Variants in NDST3 observed in about 807,000 individuals in gnomAD.
NDST3 encodes the protein bifunctional heparan sulfate N-deacetylase/N-sulfotransferase 3.
NDST3 carries 58 observed loss-of-function variants against 96.1 expected under a neutral mutation model. That is an observed-to-expected ratio of 0.60 (90% CI 0.49 to 0.75). The LOEUF is 0.75. NDST3 is among the 30% of genes least tolerant of loss of function. NDST3 has a pLI of 0.00. For missense variants in NDST3, 788 were observed against 1,034.2 expected (o/e 0.76, Z 3.27); for synonymous variants, 333 against 359.7 (o/e 0.93, Z 0.84).
chr4:118,088,136 TGTAA>T (rs1168209471), intron 2 of NDST3, among the ~76,000 whole-genome samples: 1 of 152,048 alleles, frequency 6.6e-6, no homozygotes, highest in African/African-American at 2.4e-5. Context: ...ATGACAGACA[TGTAA>T]GTAAGCCCCA....
At chr4:118,064,130 C>T (rs1213826125) in intron 2 of NDST3, among the ~76,000 whole-genome samples, 1 of 152,194 alleles carries the variant, frequency 6.6e-6, no homozygotes, top group African/African-American at 2.4e-5. Flanking sequence ...ACAGGCCCTT[C>T]TGGCGCTCAA....
At chr4:118,066,258 A>T (rs868291097) in intron 2 of NDST3, among the ~76,000 whole-genome samples, 4 of 8,182 alleles carry the variant, frequency 4.9e-4, no homozygotes, top group Admixed American at 3.8e-3. Flanking sequence ...ATTATATATT[A>T]TATATATTAT....
At chr4:118,211,623 T>C (rs543461285) in intron 6 of NDST3, among the ~76,000 whole-genome samples, 1 of 152,148 alleles carries the variant, frequency 6.6e-6, no homozygotes, top group Non-Finnish European at 1.5e-5. Context: ...TGACAAGGGT[T>C]CAGACTAGAA....
intron 13 of NDST3, 31 bp downstream of exon 13, chr4:118,253,632 A>C: frequency 7.2e-7 from 1 of 1,391,218 alleles, no homozygotes; most frequent in Non-Finnish European, 1.0e-6. Flanking sequence ...TACAAACTAA[A>C]TCAGCAAAAT....
chr4:118,151,850 A>C (rs1734420758), intron 6 of NDST3, among the ~76,000 whole-genome samples: 3 of 152,230 alleles, frequency 2.0e-5, no homozygotes, highest in East Asian at 1.9e-4. Context: ...CACCTTCCTC[A>C]GGAAACTTTT....
At chr4:118,079,086 G>T (rs1406701993) in intron 2 of NDST3, among the ~76,000 whole-genome samples, 1 of 152,054 alleles carries the variant, frequency 6.6e-6, no homozygotes, top group Admixed American at 6.5e-5. Context: ...GACCATTTTT[G>T]GCCATTCACT....
At chr4:118,206,703 G>A (rs1480811796) in intron 6 of NDST3, among the ~76,000 whole-genome samples, 1 of 143,980 alleles carries the variant, frequency 6.9e-6, no homozygotes, top group Non-Finnish European at 1.5e-5. Context: ...AAGTGAGGAG[G>A]TCATTTAGAA....
At chr4:118,220,581 G>T (rs143797669) in intron 6 of NDST3, among the ~76,000 whole-genome samples, 1 of 151,842 alleles carries the variant, frequency 6.6e-6, no homozygotes, top group Non-Finnish European at 1.5e-5. Context: ...AAACCTACAC[G>T]TTCTGCACTT....
At chr4:118,088,785 C>T (rs558331732) in intron 2 of NDST3, among the ~76,000 whole-genome samples, 62 of 152,030 alleles carry the variant, frequency 4.1e-4, no homozygotes, top group Admixed American at 7.2e-4. Flanking sequence ...AAGAACAAGA[C>T]GGATAGTAAC....
intron 4 of NDST3, among the ~76,000 whole-genome samples, chr4:118,131,686 T>C (rs1283302183): frequency 6.6e-6 from 1 of 152,128 alleles, no homozygotes; most frequent in Non-Finnish European, 1.5e-5. Flanking sequence ...CATAGAATAG[T>C]TAGGTATTTA....
In NDST3 at chr4:118,170,087, C is replaced by T. The variant is rs1471339798; in HGVS notation, c.1539+26403C>T. On this transcript the variant is annotated intron_variant, in intron 6 of 13. Coordinates refer to ENST00000296499, the MANE Select transcript of NDST3 (RefSeq NM_004784.3). ...TTCAGAAGTCACAGCATCACTTTTG[C>T]TGTCACAAAAGCCTGCCCACATTCA... is the stretch of plus-strand genomic sequence containing the variant. Among the ~76,000 whole-genome samples the T allele has an allele frequency of 2.0e-5, 3 of 152,148 alleles. No homozygotes were observed. In the East Asian group the frequency reaches 5.8e-4, roughly 29 times the overall value.
At chr4:118,218,332 A>G (rs1206419537) in intron 6 of NDST3, among the ~76,000 whole-genome samples, 1 of 152,142 alleles carries the variant, frequency 6.6e-6, no homozygotes, top group East Asian at 1.9e-4. Flanking sequence ...CACATCAAAA[A>G]GCTTATCCAC....
At chr4:118,095,209 C>G (rs1729195297) in intron 2 of NDST3, among the ~76,000 whole-genome samples, 1 of 151,710 alleles carries the variant, frequency 6.6e-6, no homozygotes, top group Non-Finnish European at 1.5e-5. Flanking sequence ...TAAGAGGAAA[C>G]AGAAAGACTA....
chr4:118,224,021 G>A (rs1440989466), intron 6 of NDST3, among the ~76,000 whole-genome samples: 2 of 152,120 alleles, frequency 1.3e-5, no homozygotes, highest in East Asian at 3.9e-4. Context: ...TGCACTTTCT[G>A]TGATTGTCTT....
chr4:118,238,222 A>AGAAAGAAG (rs1740806924), intron 10 of NDST3, among the ~76,000 whole-genome samples: 1 of 140,202 alleles, frequency 7.1e-6, no homozygotes, highest in African/African-American at 2.9e-5. Flanking sequence ...AAAGAAAGAA[A>AGAAAGAAG]GAAAAAGAAA....
intron 6 of NDST3, among the ~76,000 whole-genome samples, chr4:118,163,128 T>C (rs1578751082): frequency 2.6e-5 from 4 of 152,150 alleles, no homozygotes; most frequent in African/African-American, 2.4e-5. Flanking sequence ...TGTGGAGAAA[T>C]TGGAACACTT....
chr4:118,106,985 G>C (rs1560647610), intron 3 of NDST3, among the ~76,000 whole-genome samples: 1 of 152,182 alleles, frequency 6.6e-6, no homozygotes, highest in Non-Finnish European at 1.5e-5. Context: ...AGCTACTAGG[G>C]AGGCTGAGGC....
At chr4:118,105,215 C>A in intron 3 of NDST3, 110 bp downstream of exon 3, 1 of 674,366 alleles carries the variant, frequency 1.5e-6, no homozygotes, top group Non-Finnish European at 2.5e-6. Flanking sequence ...TCCTCCCCAG[C>A]ATTTTATCAT....
chr4:118,123,484 T>C (rs1295940536), intron 4 of NDST3, among the ~76,000 whole-genome samples: 1 of 152,144 alleles, frequency 6.6e-6, no homozygotes, highest in African/African-American at 2.4e-5. Flanking sequence ...AATTCCTCCA[T>C]TATGAATCCA....
Sources: gnomAD v4.1 joint callset for allele counts (sites outside exome capture counted in the v4.1 genomes callset) on GRCh38, gnomAD v4.1.1 for gene constraint, MANE v1.5 for transcripts, NCBI Gene and HGNC (gene_info 2026-07-23, HGNC 2026-07-21) for gene names.